The following SORCS2 variants were observed in gnomAD, a reference collection of about 807,000 sequenced individuals.
SORCS2 encodes VPS10 domain-containing receptor SorCS2.
Under a neutral mutation model 141.6 loss-of-function variants are expected in SORCS2, and 100 were observed. The observed-to-expected ratio is 0.71, with a 90% CI of 0.60 to 0.83. The LOEUF is 0.83. Among genes scored for constraint, SORCS2 ranks in the 40% least tolerant of loss-of-function variants. SORCS2 has a pLI of 0.00. For synonymous variants in SORCS2, 789 were observed against 676.9 expected (o/e 1.17, Z -2.57); for missense variants, 1,646 against 1,560.2 (o/e 1.05, Z -0.93).
rs116607191 is a variant in SORCS2, at chr4:7,351,008, G to T, written c.481-45280G>T. 2.3e-3 allele frequency among the ~76,000 whole-genome samples: 351 copies of T among 152,310 alleles called. 4 individuals are homozygous for T. Among genetic ancestry groups the T allele is most frequent in the African/African-American group, 7.8e-3 (323 of 41,562 alleles). On this transcript the variant is annotated intron_variant, in intron 1 of 26. Coordinates refer to ENST00000507866, the MANE Select transcript of SORCS2 (RefSeq NM_020777.3). ...GTCGGGGTGGGGCTGTCGAAAGCTG[G>T]TGTTTACAAACCAGGCTGCCCATAT...
intron 1 of SORCS2, among the ~76,000 whole-genome samples, chr4:7,338,094 T>C (rs532478769): frequency 8.9e-6 from 1 of 112,800 alleles, no homozygotes; most frequent in South Asian, 2.6e-4. Flanking sequence ...GCTGGCTGGA[T>C]GGATGTTGGA....
At chr4:7,353,225 A>G (rs3864196) in intron 1 of SORCS2, among the ~76,000 whole-genome samples, 43,818 of 152,046 alleles carry the variant, frequency 0.29, 6,742 homozygotes, top group East Asian at 0.59. Context: ...AGGTGCCAGT[A>G]AGCACTGGCT....
At chr4:7,434,978 C>A in intron 2 of SORCS2, 1 of 1,407,382 alleles carries the variant, frequency 7.1e-7, no homozygotes, top group Non-Finnish European at 9.4e-7. Flanking sequence ...GAAGGGCGGC[C>A]CCACCTCCTG....
intron 19 of SORCS2, among the ~76,000 whole-genome samples, chr4:7,724,573 ATGGTGATGGTGGTGGTGT>A (rs1726957669): frequency 7.4e-5 from 3 of 40,384 alleles, no homozygotes; most frequent in East Asian, 2.1e-3. Context: ...GGTGGTGGTG[ATGGTGATGGTGGTGGTGT>A]TGGTGATGGT....
At chr4:7,283,282 G>A (rs748363063) in intron 1 of SORCS2, among the ~76,000 whole-genome samples, 4 of 152,228 alleles carry the variant, frequency 2.6e-5, no homozygotes, top group Non-Finnish European at 5.9e-5. Context: ...GTTTCCCTGC[G>A]GGAGAGGGTC....
rs1176639883 is a variant in SORCS2, at chr4:7,271,073, G to GA, written c.480+77948dup. On this transcript the variant is annotated intron_variant, in intron 1 of 26. Coordinates refer to ENST00000507866, the MANE Select transcript of SORCS2 (RefSeq NM_020777.3). ...AACCACAAGCCAGCCCCCAAGCGAT[G>GA]AGGCTACTGTGGGAAGCTTGATCAT... Among the ~76,000 whole-genome samples, 7 of 152,212 alleles carry GA rather than the reference G, an allele frequency of 4.6e-5. No individual in the cohort carries two copies. In the South Asian group the frequency reaches 1.2e-3, roughly 27 times the overall value.
At chr4:7,703,560 G>A (rs769441965) in intron 13 of SORCS2, among the ~76,000 whole-genome samples, 189 bp downstream of exon 13, 9 of 152,222 alleles carry the variant, frequency 5.9e-5, no homozygotes, top group Non-Finnish European at 8.8e-5. Context: ...GGGTCGTGGA[G>A]ATGGACTTCG....
rs1198842393 is a variant in SORCS2, at chr4:7,740,345, G to C, written c.*81G>C. The C allele has an allele frequency of 7.7e-7, 1 of 1,298,240 alleles. No homozygotes were observed. The highest frequency in any genetic ancestry group is 1.1e-6 in the Non-Finnish European group (1 of 922,636). 80.4% of individuals were successfully genotyped at this position (1,298,240 alleles called of 1,614,324 possible). ...CCGGCGGCTGGACTGGCGCCCCTCA[G>C]AGACCTGCGGAAAGCCCCCTCCCTG... On this transcript the variant is annotated 3_prime_UTR_variant, in exon 27 of 27. Transcript: ENST00000507866.
intron 2 of SORCS2, among the ~76,000 whole-genome samples, chr4:7,418,479 A>G (rs998950895): frequency 6.6e-6 from 1 of 152,144 alleles, no homozygotes; most frequent in Non-Finnish European, 1.5e-5. Flanking sequence ...GAGACTGACA[A>G]TGGATGGGAC....
chr4:7,721,908 C>T lies in SORCS2; in HGVS notation c.2425-1789C>T, dbSNP rs138136735. Reference sequence around the variant, plus strand: ...AGACAATGTTTAATTTTTCTTTAAGCACCAGTAATAATAATGGATATAAAT... The same window carrying T: ...AGACAATGTTTAATTTTTCTTTAAGTACCAGTAATAATAATGGATATAAAT... On this transcript the variant is annotated intron_variant, in intron 18 of 26. Transcript: ENST00000507866. Among the ~76,000 whole-genome samples, 351 of 152,260 alleles carry T rather than the reference C, an allele frequency of 2.3e-3. 1 individual carries two copies. Among genetic ancestry groups the T allele is most frequent in the African/African-American group, 8.2e-3 (339 of 41,544 alleles).
chr4:7,541,077 C>T (rs1376697108), intron 3 of SORCS2, among the ~76,000 whole-genome samples: 2 of 152,230 alleles, frequency 1.3e-5, no homozygotes, highest in Admixed American at 6.5e-5. Context: ...CATGGACTGA[C>T]ACTCCTGAAA....
At chr4:7,220,675 G>C (rs576367573) in intron 1 of SORCS2, among the ~76,000 whole-genome samples, 3 of 152,326 alleles carry the variant, frequency 2.0e-5, no homozygotes, top group Admixed American at 2.0e-4. Context: ...GTGGGGACCT[G>C]AATGAAGTGC....
At chr4:7,385,237 C>T (rs1323953233) in intron 1 of SORCS2, among the ~76,000 whole-genome samples, 1 of 152,210 alleles carries the variant, frequency 6.6e-6, no homozygotes, top group Non-Finnish European at 1.5e-5. Flanking sequence ...GATACCCACC[C>T]CTCCCCTCAG....
At chr4:7,485,260 G>C (rs1172968247) in intron 2 of SORCS2, among the ~76,000 whole-genome samples, 1 of 152,234 alleles carries the variant, frequency 6.6e-6, no homozygotes, top group African/African-American at 2.4e-5. Flanking sequence ...ATCGCCCTGG[G>C]CAGCTGTGTC....
At chr4:7,376,008 A>G (rs922048913) in intron 1 of SORCS2, among the ~76,000 whole-genome samples, 2 of 152,224 alleles carry the variant, frequency 1.3e-5, no homozygotes, top group Admixed American at 1.3e-4. Flanking sequence ...AGAAAGTTCT[A>G]GGTAAATGCT....
At chr4:7,475,950 C>T (rs886103004) in intron 2 of SORCS2, among the ~76,000 whole-genome samples, 21 of 152,330 alleles carry the variant, frequency 1.4e-4, no homozygotes, top group South Asian at 4.1e-4. Context: ...ACGAAGGACT[C>T]CAGTCTCCTT....
chr4:7,532,322 C>T (rs961024093), intron 3 of SORCS2, among the ~76,000 whole-genome samples: 1 of 152,198 alleles, frequency 6.6e-6, no homozygotes. Flanking sequence ...CCAGTGTTTG[C>T]ATCCCAGCTC....
intron 2 of SORCS2, among the ~76,000 whole-genome samples, chr4:7,525,820 C>G (rs576163158): frequency 0.03 from 3,043 of 102,172 alleles, 117 homozygotes; most frequent in South Asian, 0.073. Context: ...CCTGCAGTCA[C>G]CTGTCCCCTC....
At position 7,679,586 on chromosome 4, in the gene SORCS2, C is replaced by T. The variant is rs891642534; in HGVS notation, c.1342-3157C>T. Among the ~76,000 whole-genome samples, 5 of 152,286 alleles carry T rather than the reference C, an allele frequency of 3.3e-5. No individual in the cohort carries two copies. The East Asian group carries it at 5.8e-4, about 18-fold the overall frequency. Reference sequence around the variant, plus strand: ...CCCATGGAGACAGAGGCAGAGACCGCGGCCGCACGCCAGGGAGGGCTGGAG... The same window carrying T: ...CCCATGGAGACAGAGGCAGAGACCGTGGCCGCACGCCAGGGAGGGCTGGAG... On this transcript the variant is annotated intron_variant, in intron 9 of 26. Transcript: ENST00000507866.
Sources: gnomAD v4.1 joint callset for allele counts (sites outside exome capture counted in the v4.1 genomes callset) on GRCh38, gnomAD v4.1.1 for gene constraint, MANE v1.5 for transcripts, NCBI Gene and HGNC (gene_info 2026-07-23, HGNC 2026-07-21) for gene names.